The following AKAP6 variants were observed in gnomAD, a reference collection of about 807,000 sequenced individuals.
AKAP6 encodes A-kinase anchoring protein 6.
In AKAP6, 58 loss-of-function variants were observed where a neutral mutation model predicts 188.5. The observed-to-expected ratio is 0.31, with a 90% CI of 0.25 to 0.38. The LOEUF is 0.38. AKAP6 is among the 10% of genes least tolerant of loss of function. The pLI, the probability that AKAP6 is intolerant of heterozygous loss-of-function variation, is 1.00. For missense variants in AKAP6, 2,710 were observed against 2,740.0 expected (o/e 0.99, Z 0.24); for synonymous variants, 989 against 998.6 (o/e 0.99, Z 0.18).
At chr14:32,562,783 A>G (rs1884011209) in intron 4 of AKAP6, among the ~76,000 whole-genome samples, 1 of 152,170 alleles carries the variant, frequency 6.6e-6, no homozygotes, top group Non-Finnish European at 1.5e-5. Context: ...AGGTAGATAG[A>G]TAAATAAATA....
intron 3 of AKAP6, among the ~76,000 whole-genome samples, chr14:32,537,480 G>A (rs1882735398): frequency 6.6e-6 from 1 of 152,174 alleles, no homozygotes; most frequent in South Asian, 2.1e-4. Context: ...GGAGATCAGA[G>A]ATGAGGAAGG....
chr14:32,644,984 C>G (rs1400696643), intron 7 of AKAP6, among the ~76,000 whole-genome samples: 2 of 152,138 alleles, frequency 1.3e-5, no homozygotes, highest in East Asian at 3.8e-4. Flanking sequence ...AAGTTACAAG[C>G]CAGTCCTCTC....
At chr14:32,599,826 A>G (rs910418545) in intron 6 of AKAP6, among the ~76,000 whole-genome samples, 4 of 152,176 alleles carry the variant, frequency 2.6e-5, no homozygotes, top group African/African-American at 9.6e-5. Context: ...ACATTAAGAC[A>G]ATGAATGAGA....
intron 2 of AKAP6, among the ~76,000 whole-genome samples, chr14:32,440,269 G>T (rs1890526313): frequency 6.8e-6 from 1 of 147,538 alleles, no homozygotes; most frequent in South Asian, 2.2e-4. Flanking sequence ...TCATAGGTGG[G>T]AACTGAACAA....
chr14:32,710,134 A>G (rs1890980869), intron 9 of AKAP6, among the ~76,000 whole-genome samples: 1 of 151,752 alleles, frequency 6.6e-6, no homozygotes, highest in Non-Finnish European at 1.5e-5. Context: ...AGATGGTATG[A>G]CTTACAGTAT....
intron 12 of AKAP6, among the ~76,000 whole-genome samples, chr14:32,818,269 T>G (rs1346170781): frequency 1.3e-5 from 2 of 152,016 alleles, no homozygotes; most frequent in African/African-American, 4.8e-5. Flanking sequence ...CATCCAAAAG[T>G]TTAATCTTTT....
chr14:32,644,577 T>A (rs1350540339), intron 7 of AKAP6, among the ~76,000 whole-genome samples: 1 of 152,140 alleles, frequency 6.6e-6, no homozygotes, highest in East Asian at 1.9e-4. Context: ...AAATCTTTTT[T>A]CCTAGTTTGC....
At chr14:32,391,026 T>G (rs1466644957) in intron 1 of AKAP6, among the ~76,000 whole-genome samples, 9 of 152,162 alleles carry the variant, frequency 5.9e-5, no homozygotes, top group Non-Finnish European at 1.3e-4. Flanking sequence ...TAGGTACCAG[T>G]GCAGGCTGCT....
chr14:32,591,080 G>A (rs1184276093), intron 5 of AKAP6, among the ~76,000 whole-genome samples: 4 of 152,124 alleles, frequency 2.6e-5, no homozygotes, highest in Non-Finnish European at 4.4e-5. Flanking sequence ...GCAGCTGTAC[G>A]TGTGAATAAT....
chr14:32,671,385 G>A (rs1594831950), intron 7 of AKAP6, among the ~76,000 whole-genome samples: 1 of 152,072 alleles, frequency 6.6e-6, no homozygotes, highest in Non-Finnish European at 1.5e-5. Context: ...TAAACAGCAA[G>A]TATAAACAAT....
chr14:32,691,535 G>T (rs1031005922), intron 8 of AKAP6, among the ~76,000 whole-genome samples: 1 of 152,064 alleles, frequency 6.6e-6, no homozygotes, highest in Non-Finnish European at 1.5e-5. Flanking sequence ...CACCTACAAA[G>T]AAATTCAATA....
intron 7 of AKAP6, among the ~76,000 whole-genome samples, chr14:32,671,021 T>C (rs1889167276): frequency 6.6e-6 from 1 of 152,142 alleles, no homozygotes; most frequent in Admixed American, 6.6e-5. Context: ...CCTGCCCTCA[T>C]GGAGCTTTCA....
chr14:32,741,704 G>T (rs1420176698), intron 11 of AKAP6, among the ~76,000 whole-genome samples: 2 of 151,376 alleles, frequency 1.3e-5, no homozygotes, highest in South Asian at 4.2e-4. Flanking sequence ...GCATCCTTCA[G>T]ATAAATTCCC....
intron 11 of AKAP6, among the ~76,000 whole-genome samples, chr14:32,751,271 A>G (rs545989793): frequency 6.6e-6 from 1 of 152,186 alleles, no homozygotes; most frequent in Non-Finnish European, 1.5e-5. Context: ...TTTTTTCCAA[A>G]CCCTTGTGTG....
chr14:32,682,439 T>TGG (rs1166088826), intron 8 of AKAP6, among the ~76,000 whole-genome samples: 1 of 152,196 alleles, frequency 6.6e-6, no homozygotes, highest in Non-Finnish European at 1.5e-5. Flanking sequence ...CTCCAGCATC[T>TGG]GGCGCAGTGC....
chr14:32,359,709 T>C (rs1397612570), intron 1 of AKAP6, among the ~76,000 whole-genome samples: 1 of 152,172 alleles, frequency 6.6e-6, no homozygotes, highest in Non-Finnish European at 1.5e-5. Context: ...CCTTCACACT[T>C]TTGAAGACTA....
chr14:32,382,201 C>T (rs1888385464), intron 1 of AKAP6, among the ~76,000 whole-genome samples: 1 of 152,016 alleles, frequency 6.6e-6, no homozygotes. Flanking sequence ...CTTTTTGGTC[C>T]TCTCATCAGT....
chr14:32,663,123 T>C (rs538381333), intron 7 of AKAP6, among the ~76,000 whole-genome samples: 2 of 152,274 alleles, frequency 1.3e-5, no homozygotes, highest in African/African-American at 4.8e-5. Context: ...TCTTTTTTAG[T>C]GCTTATATTT....
At chr14:32,796,304 G>A (rs1183528789) in intron 12 of AKAP6, among the ~76,000 whole-genome samples, 1 of 152,174 alleles carries the variant, frequency 6.6e-6, no homozygotes, top group Non-Finnish European at 1.5e-5. Context: ...AACCAAAAAA[G>A]AGGCTGAATA....
Sources: allele counts gnomAD v4.1 joint callset (sites outside exome capture counted in the v4.1 genomes callset), GRCh38; gene constraint gnomAD v4.1.1; transcripts MANE v1.5; gene names NCBI Gene and HGNC (gene_info 2026-07-23, HGNC 2026-07-21).